Variants in EIF4A2 observed in about 807,000 individuals in gnomAD.
The protein encoded by EIF4A2 is eukaryotic initiation factor 4A-II.
Under a neutral mutation model 50.6 loss-of-function variants are expected in EIF4A2, and 9 were observed. That is an observed-to-expected ratio of 0.18 (90% CI 0.11 to 0.31). EIF4A2 has a LOEUF of 0.31. Ranked by LOEUF, EIF4A2 falls within the 10% of genes least tolerant of loss-of-function variation. The pLI is 1.00. For missense variants in EIF4A2, 182 were observed against 501.8 expected (o/e 0.36, Z 6.09); for synonymous variants, 215 against 164.4 (o/e 1.31, Z -2.35).
rs1721518189 is a variant in EIF4A2, at chr3:186,783,880, G to C, written c.29+241G>C. ...CCTCTCTAAGACATTACGAAACTTCGGCTGCTTTCCTTCCCAGTGTAGAGC... is the reference window on the plus strand; with the variant it reads ...CCTCTCTAAGACATTACGAAACTTCCGCTGCTTTCCTTCCCAGTGTAGAGC... On this transcript the variant is annotated intron_variant, in intron 1 of 10. Coordinates refer to ENST00000323963, the MANE Select transcript of EIF4A2 (RefSeq NM_001967.4). 4 of 590,848 alleles carry C rather than the reference G, an allele frequency of 6.8e-6. No individual in the cohort carries two copies. The Admixed American group carries it at 1.2e-4, about 18-fold the overall frequency. The allele number at this position is 590,848 out of a possible 1,614,324, so 36.6% of individuals were successfully genotyped here.
rs560131892 is a variant in EIF4A2, at chr3:186,785,586, T to C, written c.349-297T>C. On this transcript the variant is annotated intron_variant, in intron 4 of 10. Transcript: ENST00000323963. ...TTGCCCTAGCTGTAATTACAGAACA[T>C]AAATTTCACTACGTACTCCCTACCT... The C allele has an allele frequency of 1.4e-4, 50 of 357,762 alleles. No individual in the cohort carries two copies. The Middle Eastern group carries it at 5.0e-3, about 36-fold the overall frequency. The allele number at this position is 357,762 out of a possible 1,614,324, so 22.2% of individuals were successfully genotyped here. A position where few individuals can be genotyped will look rare whatever the true frequency, so the allele number is the denominator to read the frequency against.
At chr3:186,788,963 A>AT (rs920536417) in intron 10 of EIF4A2, 162 bp from the exon 11 acceptor site, 39 of 1,038,108 alleles carry the variant, frequency 3.8e-5, no homozygotes, top group Admixed American at 7.0e-5. Flanking sequence ...GCAAAGGAAG[A>AT]TTTTTTTCTC....
chr3:186,784,285 C>T (rs1721560584), intron 1 of EIF4A2, 147 bp from the exon 2 acceptor site: 4 of 1,176,758 alleles, frequency 3.4e-6, no homozygotes, highest in East Asian at 4.9e-5. Context: ...AGGGAAGGCG[C>T]ACAGTGTGGA....
At chr3:186,786,338 C>T (rs960224456) in intron 6 of EIF4A2, 65 bp downstream of exon 6, 1 of 1,538,248 alleles carries the variant, frequency 6.5e-7, no homozygotes. Flanking sequence ...GGTACTGTTA[C>T]AATACAACTG....
In EIF4A2 at chr3:186,786,229, G is replaced by T; in HGVS notation, c.583G>T (p.Asp195Tyr). 1 of 1,613,864 alleles carries T rather than the reference G, an allele frequency of 6.2e-7. No individual in the cohort carries two copies. The highest frequency in any genetic ancestry group is 1.1e-5 in the South Asian group (1 of 91,010). ...TGAAATGTTGAGCCGTGGTTTTAAG[G>T]ATCAAATCTATGAGATTTTCCAAAA... ...ADEMLSRGFK[D>Y]QIYEIFQKLN... The change falls in exon 6 of 11, where the codon GAT becomes TAT. Residue 195 changes from aspartate (D) to tyrosine (Y), a missense_variant. Physicochemically the swap from Asp to Tyr is radical, Grantham distance 160. Coordinates refer to ENST00000323963, the MANE Select transcript of EIF4A2 (RefSeq NM_001967.4).
Position 186,785,229 on chromosome 3 carries a change from G to T in EIF4A2, c.348+128G>T. On this transcript the variant is annotated intron_variant, in intron 4 of 10. Transcript: ENST00000323963. ...TCCCTCCTTTTAATTGTCCATGCAT[G>T]CAGGGAGTTTTTGTTGAAAGTTTTA... is the stretch of plus-strand genomic sequence containing the variant. 3 of 1,387,006 alleles carry T rather than the reference G, an allele frequency of 2.2e-6. No homozygotes were observed. The Middle Eastern group carries it at 5.8e-4, about 268-fold the overall frequency. The allele number at this position is 1,387,006 out of a possible 1,614,324, so 85.9% of individuals were successfully genotyped here.
chr3:186,785,636 G>A (rs895095257), intron 4 of EIF4A2: 3 of 462,956 alleles, frequency 6.5e-6, no homozygotes, highest in Admixed American at 3.5e-5. Context: ...TGTAGGAAAC[G>A]TTATTCTTGG....
intron 6 of EIF4A2, 56 bp from the exon 7 acceptor site, chr3:186,786,446 T>A: frequency 6.3e-7 from 1 of 1,589,974 alleles, no homozygotes; most frequent in South Asian, 1.1e-5. Context: ...CTTCAGACAT[T>A]TTCCTTTGGG....
At chr3:186,785,617 G>A (rs1225866713) in intron 4 of EIF4A2, 4 of 425,620 alleles carry the variant, frequency 9.4e-6, no homozygotes, top group Non-Finnish European at 1.7e-5. Flanking sequence ...TACCTACAGT[G>A]AAGAATAATG....
rs536728635 is a variant in EIF4A2 at position 186,784,238 on chromosome 3, G to A, written c.30-194G>A. On this transcript the variant is annotated intron_variant, in intron 1 of 10. Coordinates refer to ENST00000323963, the MANE Select transcript of EIF4A2 (RefSeq NM_001967.4). Reference sequence around the variant, plus strand: ...GGATCGCCATGCGCTCGGGCCTGGGGGGCTGCCTTTCCGGGCATCCGCAGG... The same window carrying A: ...GGATCGCCATGCGCTCGGGCCTGGGAGGCTGCCTTTCCGGGCATCCGCAGG... The A allele has an allele frequency of 1.3e-4, 101 of 752,932 alleles. 2 individuals carry two copies. In the East Asian group the frequency reaches 2.7e-3, roughly 20 times the overall value. 46.6% of individuals were successfully genotyped at this position (752,932 alleles called of 1,614,324 possible).
At chr3:186,783,848 C>T in intron 1 of EIF4A2, 1 of 708,184 alleles carries the variant, frequency 1.4e-6, no homozygotes, top group South Asian at 1.9e-5. Flanking sequence ...GGCTAAAGGG[C>T]GTTTTTCCTC....
chr3:186,788,746 G>A (rs1176426966), intron 10 of EIF4A2: 6 of 230,076 alleles, frequency 2.6e-5, no homozygotes, highest in South Asian at 1.2e-4. Context: ...GAAGTGCGTC[G>A]AAATGGATTA....
rs1396845629 is a variant in EIF4A2 at position 186,784,702 on chromosome 3, A to G, written c.208+6A>G. ...TATTATTCCCTGTATTAAAGGTAAA[A>G]GAAACTGGCATTTTTAGGAAATTGT... On this transcript the variant is annotated splice_donor_region_variant and intron_variant, in intron 3 of 10. Coordinates refer to ENST00000323963, the MANE Select transcript of EIF4A2 (RefSeq NM_001967.4). 1.2e-6 allele frequency: 2 copies of G among 1,612,532 alleles called. No homozygotes were observed. The highest frequency in any genetic ancestry group is 8.5e-7 in the Non-Finnish European group (1 of 1,179,254).
In EIF4A2 at chr3:186,783,604, T is replaced by A. The variant is rs756552843; in HGVS notation, c.-7T>A. On this transcript the variant is annotated 5_prime_UTR_variant, in exon 1 of 11. Transcript: ENST00000323963. ...TTTCAGTCGGGCGCTGAGTGGTTTT[T>A]CGGATCATGTCTGGTGGCTCCGCGG... The A allele has an allele frequency of 7.4e-6, 12 of 1,614,006 alleles. No homozygotes were observed. In the South Asian group the frequency reaches 8.8e-5, roughly 12 times the overall value.
chr3:186,784,365 C>G (rs972345262), intron 1 of EIF4A2, 67 bp from the exon 2 acceptor site: 1 of 1,611,774 alleles, frequency 6.2e-7, no homozygotes, highest in African/African-American at 1.3e-5. Context: ...TTGCAAAGGG[C>G]TATGCGCTTA....
At chr3:186,786,132 T>C (rs372444436) in intron 5 of EIF4A2, 32 bp from the exon 6 acceptor site, 244 of 1,608,634 alleles carry the variant, frequency 1.5e-4, no homozygotes, top group Non-Finnish European at 1.9e-4. Flanking sequence ...TGAGTAGATC[T>C]AGAAATGACA....
intron 1 of EIF4A2, 61 bp from the exon 2 acceptor site, chr3:186,784,371 G>A: frequency 2.5e-6 from 4 of 1,613,172 alleles, no homozygotes; most frequent in African/African-American, 2.7e-5. Flanking sequence ...AGGGCTATGC[G>A]CTTAAGGTGC....
chr3:186,784,259 G>T, intron 1 of EIF4A2, 173 bp from the exon 2 acceptor site: 1 of 921,084 alleles, frequency 1.1e-6, no homozygotes, highest in East Asian at 2.6e-5. Context: ...CCGGGCATCC[G>T]CAGGCCCCAA....
intron 9 of EIF4A2, 88 bp from the exon 10 acceptor site, chr3:186,787,715 T>C (rs1398169705): frequency 6.4e-7 from 1 of 1,573,700 alleles, no homozygotes; most frequent in African/African-American, 1.3e-5. Context: ...GCTATACCAC[T>C]TAGTATAGTT....
Sources: allele counts gnomAD v4.1 joint callset, GRCh38; gene constraint gnomAD v4.1.1; transcripts MANE v1.5; gene names NCBI Gene and HGNC (gene_info 2026-07-23, HGNC 2026-07-21).